Variants in CHD7 observed in about 807,000 individuals in gnomAD.
CHD7 encodes the protein chromodomain helicase DNA binding protein 7.
A neutral mutation model predicts 307.3 loss-of-function variants in CHD7; 24 were observed. That is an observed-to-expected ratio of 0.08 (90% CI 0.06 to 0.11). CHD7 has a LOEUF of 0.11. CHD7 is among the 10% of genes least tolerant of loss of function. The probability of loss-of-function intolerance (pLI) is 1.00; values close to 1 mark genes in which losing one functional copy is unlikely to be tolerated. For synonymous variants in CHD7, 1,363 were observed against 1,349.9 expected, an observed-to-expected ratio of 1.01 and a Z score of -0.21; for missense variants, 3,106 against 3,727.1, an observed-to-expected ratio of 0.83 and a Z score of 4.34.
chr8:60,817,038 A>G (rs1207502907), intron 8 of CHD7, among the ~76,000 whole-genome samples: 1 of 152,228 alleles, frequency 6.6e-6, no homozygotes, highest in African/African-American at 2.4e-5. Context: ...AAGTACAGCA[A>G]TACCTAGGGC....
intron 3 of CHD7, among the ~76,000 whole-genome samples, chr8:60,794,102 A>G (rs535745810): frequency 2.0e-5 from 3 of 152,336 alleles, no homozygotes; most frequent in African/African-American, 4.8e-5. Context: ...AGCCTGGGCA[A>G]CAAGAGTGAA....
chr8:60,771,179 T>C (rs1810690432), intron 2 of CHD7, among the ~76,000 whole-genome samples: 1 of 152,204 alleles, frequency 6.6e-6, no homozygotes, highest in African/African-American at 2.4e-5. Context: ...TGTGAAAGGA[T>C]AAATATCTCA....
intron 7 of CHD7, among the ~76,000 whole-genome samples, chr8:60,810,897 G>A (rs1812770826): frequency 6.6e-6 from 1 of 152,184 alleles, no homozygotes; most frequent in African/African-American, 2.4e-5. Flanking sequence ...AGCGGCAGGC[G>A]ACTGAGCATT....
At chr8:60,824,089 A>G (rs1374764739) in intron 13 of CHD7, 73 bp downstream of exon 13, 1 of 1,285,822 alleles carries the variant, frequency 7.8e-7, no homozygotes, top group South Asian at 1.3e-5. Context: ...CGTTGCTCAG[A>G]ATTTGATGCC....
At chr8:60,790,934 C>T (rs955003639) in intron 3 of CHD7, among the ~76,000 whole-genome samples, 7 of 151,982 alleles carry the variant, frequency 4.6e-5, no homozygotes, top group Non-Finnish European at 7.4e-5. Context: ...GAGTGGTGTC[C>T]GCGCAGGGTC....
chr8:60,858,642 C>T (rs1314584371), intron 34 of CHD7, among the ~76,000 whole-genome samples: 1 of 152,218 alleles, frequency 6.6e-6, no homozygotes, highest in Non-Finnish European at 1.5e-5. Flanking sequence ...GGGTCTCACT[C>T]TTTCGCCCAG....
chr8:60,743,380 C>T (rs967625703), intron 2 of CHD7, among the ~76,000 whole-genome samples: 12 of 152,320 alleles, frequency 7.9e-5, no homozygotes, highest in Middle Eastern at 3.4e-3. Flanking sequence ...TCAGAATGCT[C>T]ACAAGACAAA....
At chr8:60,746,440 A>G (rs1809332293) in intron 2 of CHD7, among the ~76,000 whole-genome samples, 1 of 152,176 alleles carries the variant, frequency 6.6e-6, no homozygotes, top group African/African-American at 2.4e-5. Flanking sequence ...ACCCTAGGAA[A>G]TATTTTTATT....
intron 25 of CHD7, 136 bp from the exon 26 acceptor site, chr8:60,850,357 G>T (rs759274725): frequency 4.8e-5 from 51 of 1,065,712 alleles, no homozygotes; most frequent in Non-Finnish European, 5.4e-5. Context: ...ACTAAAACAA[G>T]GTCCACTTGG....
At chr8:60,851,981 C>A (rs1444279657) in intron 28 of CHD7, 38 bp from the exon 29 acceptor site, 4 of 1,413,054 alleles carry the variant, frequency 2.8e-6, no homozygotes, top group Non-Finnish European at 3.9e-6. Context: ...TGCAAGATTG[C>A]AGCTACACAT....
At chr8:60,739,881 AC>A (rs1808906020) in intron 1 of CHD7, among the ~76,000 whole-genome samples, 1 of 152,042 alleles carries the variant, frequency 6.6e-6, no homozygotes, top group Non-Finnish European at 1.5e-5. Context: ...TTTTATCATC[AC>A]TTTGGAAATT....
At position 60,853,471 on chromosome 8, in the gene CHD7, A is replaced by G. The variant is rs958139703; in HGVS notation, c.6746A>G (p.Asp2249Gly). 6 of 1,516,932 alleles carry G rather than the reference A, an allele frequency of 4.0e-6. No homozygotes were observed. Among genetic ancestry groups the G allele is most frequent in the Non-Finnish European group, 5.3e-6 (6 of 1,135,442 alleles). The allele number at this position is 1,516,932 out of a possible 1,614,324, so 94.0% of individuals were successfully genotyped here. A position where few individuals can be genotyped will look rare whatever the true frequency, so the allele number is the denominator to read the frequency against. Reference protein sequence around the residue: ...EDEEEKLEDDDKSEESSQPEA... With the variant: ...EDEEEKLEDDGKSEESSQPEA... ...GAAGAGGAAAAGCTGGAGGATGACG[A>G]TAAGTCGGAAGAGTCTTCCCAGCCC... Residue 2249 changes from aspartate (D) to glycine (G), a missense_variant, in exon 31 of 38, where the codon GAT becomes GGT. This residue lies in a region of CHD7 where 1,030 missense variants were observed against 1,165.4 expected (regional missense o/e 0.88). Coordinates refer to ENST00000423902, the MANE Select transcript of CHD7 (RefSeq NM_017780.4).
At position 60,792,418 on chromosome 8, in the gene CHD7, G is replaced by T. The variant is rs1246868548; in HGVS notation, c.2097-2568G>T. ...TGTTGCTTTTTTTTTGACTTCCTAGGGTGTTCTTTGATTTGTATATTGATG... is the reference window on the plus strand; with the variant it reads ...TGTTGCTTTTTTTTTGACTTCCTAGTGTGTTCTTTGATTTGTATATTGATG... On this transcript the variant is annotated intron_variant, in intron 3 of 37. Coordinates refer to ENST00000423902, the MANE Select transcript of CHD7 (RefSeq NM_017780.4). 3.9e-5 allele frequency among the ~76,000 whole-genome samples: 6 copies of T among 151,962 alleles called. No homozygotes were observed. The East Asian group carries it at 9.6e-4, about 24-fold the overall frequency.
chr8:60,830,951 A>G (rs540006741), intron 15 of CHD7, among the ~76,000 whole-genome samples: 1 of 152,308 alleles, frequency 6.6e-6, no homozygotes, highest in South Asian at 2.1e-4. Context: ...AGAGGAACTT[A>G]GGTGTGAGCA....
chr8:60,853,499 A>C lies in CHD7; in HGVS notation c.6774A>C (p.Glu2258Asp). ...DDKSEESSQP[E>D]AGAVSRGKNF... ...AGTCGGAAGAGTCTTCCCAGCCCGA[A>C]GGTAAGGCCTTACCACTGGCCCCTC... is the stretch of plus-strand genomic sequence containing the variant. Residue 2258 changes from glutamate (E) to aspartate (D), a missense_variant and splice_region_variant, in exon 31 of 38, where the codon GAA becomes GAC. This residue lies in a region of CHD7 where 1,030 missense variants were observed against 1,165.4 expected (regional missense o/e 0.88). Transcript: ENST00000423902. 1.3e-6 allele frequency: 2 copies of C among 1,510,696 alleles called. No individual in the cohort carries two copies. The highest frequency in any genetic ancestry group is 1.8e-6 in the Non-Finnish European group (2 of 1,131,226). 93.6% of individuals were successfully genotyped at this position (1,510,696 alleles called of 1,614,324 possible).
chr8:60,690,273 G>T (rs888809147), intron 1 of CHD7, among the ~76,000 whole-genome samples: 13 of 151,696 alleles, frequency 8.6e-5, no homozygotes, highest in African/African-American at 3.1e-4. Context: ...TTTGGATTTT[G>T]TACATGTTTA....
At chr8:60,835,327 C>T (rs1804692436) in intron 15 of CHD7, among the ~76,000 whole-genome samples, 1 of 152,176 alleles carries the variant, frequency 6.6e-6, no homozygotes, top group Admixed American at 6.5e-5. Context: ...CAGCAAAAAT[C>T]CATGTGGGGG....
chr8:60,777,320 A>G (rs1810996828), intron 2 of CHD7, among the ~76,000 whole-genome samples: 1 of 152,238 alleles, frequency 6.6e-6, no homozygotes, highest in Non-Finnish European at 1.5e-5. Flanking sequence ...ATGTGGAAGC[A>G]TTGCACACAC....
intron 19 of CHD7, among the ~76,000 whole-genome samples, chr8:60,840,678 C>T (rs925896090): frequency 8.6e-5 from 13 of 150,714 alleles, no homozygotes; most frequent in East Asian, 2.0e-4. Flanking sequence ...AGTGTAGTGG[C>T]GCAATCTCGG....
Sources: allele counts gnomAD v4.1 joint callset (sites outside exome capture counted in the v4.1 genomes callset), GRCh38; gene constraint gnomAD v4.1.1; regional missense constraint gnomAD v4.1.1; transcripts MANE v1.5; gene names NCBI Gene and HGNC (gene_info 2026-07-23, HGNC 2026-07-21).